The following ZNF804A variants were observed in gnomAD, a reference collection of about 807,000 sequenced individuals.
The protein encoded by ZNF804A is zinc finger protein 804A.
A neutral mutation model predicts 16.5 loss-of-function variants in ZNF804A; 2 were observed. The ratio of observed to expected loss-of-function variants is 0.12; its 90% CI spans 0.05 to 0.38. The LOEUF is 0.38. Among genes scored for constraint, ZNF804A ranks in the 10% least tolerant of loss-of-function variants. The pLI is 0.99. For synonymous variants in ZNF804A, 534 were observed against 489.6 expected, an observed-to-expected ratio of 1.09 and a Z score of -1.20; for missense variants, 1,473 against 1,390.7, an observed-to-expected ratio of 1.06 and a Z score of -0.94.
chr2:184,724,103 C>T lies in ZNF804A; in HGVS notation c.111+125033C>T, dbSNP rs545850906. On this transcript the variant is annotated intron_variant, in intron 1 of 3. Transcript: ENST00000302277. The stretch of plus-strand genomic sequence containing the variant: ...TATTTCTCTTCCTCATCAAAATCTC[C>T]TAGCACTCATATGTGAATTAAATTT... Among the ~76,000 whole-genome samples, 3 of 151,672 alleles carry T rather than the reference C, an allele frequency of 2.0e-5. No homozygotes were observed. The East Asian group carries it at 5.8e-4, about 29-fold the overall frequency.
chr2:184,752,292 C>T (rs1337479878), intron 1 of ZNF804A, among the ~76,000 whole-genome samples: 2 of 151,494 alleles, frequency 1.3e-5, no homozygotes, highest in Non-Finnish European at 3.0e-5. Context: ...TGGAATACTA[C>T]ACAGCGACAA....
chr2:184,603,304 A>G (rs1247235571), intron 1 of ZNF804A, among the ~76,000 whole-genome samples: 2 of 152,136 alleles, frequency 1.3e-5, no homozygotes, highest in Non-Finnish European at 2.9e-5. Context: ...ATCTGTTAAA[A>G]AATATATTCA....
intron 1 of ZNF804A, among the ~76,000 whole-genome samples, chr2:184,748,638 C>T (rs576345838): frequency 8.3e-4 from 125 of 151,264 alleles, no homozygotes; most frequent in African/African-American, 3.0e-3. Flanking sequence ...TAATTAGGCC[C>T]TATTTGTCAA....
At chr2:184,702,621 C>G (rs1231411963) in intron 1 of ZNF804A, among the ~76,000 whole-genome samples, 1 of 152,058 alleles carries the variant, frequency 6.6e-6, no homozygotes, top group East Asian at 1.9e-4. Context: ...CAAAACTGAT[C>G]TGGTTCATAA....
chr2:184,697,982 T>C (rs56313367), intron 1 of ZNF804A, among the ~76,000 whole-genome samples: 10,917 of 152,070 alleles, frequency 0.072, 1,326 homozygotes, highest in African/African-American at 0.25. Flanking sequence ...CTAATATATA[T>C]TGGATTTCAT....
intron 1 of ZNF804A, among the ~76,000 whole-genome samples, chr2:184,683,660 G>C (rs1318646567): frequency 6.6e-6 from 1 of 152,194 alleles, no homozygotes; most frequent in East Asian, 1.9e-4. Flanking sequence ...AGGCAAGGTA[G>C]AGGGTGAGGG....
At chr2:184,765,702 C>A (rs1694114089) in intron 1 of ZNF804A, among the ~76,000 whole-genome samples, 1 of 151,306 alleles carries the variant, frequency 6.6e-6, no homozygotes, top group African/African-American at 2.4e-5. Flanking sequence ...ATGCCCCCTG[C>A]AGAATAAACC....
At chr2:184,758,827 A>G (rs1693998560) in intron 1 of ZNF804A, among the ~76,000 whole-genome samples, 1 of 151,988 alleles carries the variant, frequency 6.6e-6, no homozygotes, top group South Asian at 2.1e-4. Flanking sequence ...ATAGAATTTT[A>G]GTAAAATTGA....
At chr2:184,719,046 G>A (rs546813860) in intron 1 of ZNF804A, among the ~76,000 whole-genome samples, 83 of 152,300 alleles carry the variant, frequency 5.4e-4, no homozygotes, top group Admixed American at 1.6e-3. Flanking sequence ...GGGCATTCAG[G>A]CATTTCCGTA....
intron 2 of ZNF804A, among the ~76,000 whole-genome samples, chr2:184,873,905 A>G (rs1462384903): frequency 6.6e-6 from 1 of 152,138 alleles, no homozygotes; most frequent in Non-Finnish European, 1.5e-5. Flanking sequence ...ACTCAGGAAA[A>G]TAATCTTGTA....
At chr2:184,815,864 G>A (rs1184251345) in intron 1 of ZNF804A, among the ~76,000 whole-genome samples, 2 of 151,912 alleles carry the variant, frequency 1.3e-5, no homozygotes, top group Non-Finnish European at 2.9e-5. Context: ...GTAAAAAAAG[G>A]CCACAATTTG....
chr2:184,796,523 A>C (rs1185907613), intron 1 of ZNF804A, among the ~76,000 whole-genome samples: 1 of 152,166 alleles, frequency 6.6e-6, no homozygotes, highest in Non-Finnish European at 1.5e-5. Flanking sequence ...AAAAGTGTTC[A>C]TAGTGGCCTT....
intron 1 of ZNF804A, among the ~76,000 whole-genome samples, chr2:184,742,644 C>T (rs1693725550): frequency 6.9e-6 from 1 of 145,610 alleles, no homozygotes; most frequent in African/African-American, 2.7e-5. Context: ...TTTGTAGCCA[C>T]TTGGTTAATA....
At chr2:184,854,808 G>A in intron 1 of ZNF804A, among the ~76,000 whole-genome samples, 1 of 140,470 alleles carries the variant, frequency 7.1e-6, no homozygotes, top group Non-Finnish European at 1.6e-5. Flanking sequence ...GAATCTGTCA[G>A]CACTGAAGTA....
intron 1 of ZNF804A, among the ~76,000 whole-genome samples, chr2:184,652,055 G>T (rs553573361): frequency 1.3e-5 from 2 of 152,238 alleles, no homozygotes; most frequent in East Asian, 1.9e-4. Flanking sequence ...ATCAGTGGTG[G>T]TCTGTATAAA....
chr2:184,870,944 C>T (rs963525466), intron 2 of ZNF804A, among the ~76,000 whole-genome samples: 1 of 151,696 alleles, frequency 6.6e-6, no homozygotes, highest in Non-Finnish European at 1.5e-5. Flanking sequence ...AAATTCTTCA[C>T]ATGCATAAAA....
At chr2:184,875,840 C>T (rs1331753720) in intron 2 of ZNF804A, among the ~76,000 whole-genome samples, 1 of 151,630 alleles carries the variant, frequency 6.6e-6, no homozygotes, top group African/African-American at 2.4e-5. Context: ...TCTTCATCTG[C>T]CCTTAAAGTA....
At chr2:184,702,124 A>G (rs1351541643) in intron 1 of ZNF804A, among the ~76,000 whole-genome samples, 1 of 152,032 alleles carries the variant, frequency 6.6e-6, no homozygotes, top group African/African-American at 2.4e-5. Context: ...TTTTCTTTTT[A>G]AAGAACCTTG....
intron 1 of ZNF804A, among the ~76,000 whole-genome samples, chr2:184,658,190 T>C (rs992292379): frequency 4.6e-5 from 7 of 152,094 alleles, no homozygotes; most frequent in African/African-American, 1.7e-4. Flanking sequence ...CTGAGAAGTT[T>C]TTTTCCCCCC....
Sources: allele counts gnomAD v4.1 joint callset (sites outside exome capture counted in the v4.1 genomes callset), GRCh38; gene constraint gnomAD v4.1.1; transcripts MANE v1.5; gene names NCBI Gene and HGNC (gene_info 2026-07-23, HGNC 2026-07-21).